HIRA: variants seen among roughly 807,000 people sequenced by gnomAD.
HIRA encodes protein HIRA.
Under a neutral mutation model 126.6 loss-of-function variants are expected in HIRA, and 13 were observed. The observed-to-expected ratio is 0.10, with a 90% CI of 0.07 to 0.16. The LOEUF is 0.16. HIRA is among the 10% of genes least tolerant of loss of function. The pLI, the probability that HIRA is intolerant of heterozygous loss-of-function variation, is 1.00. For synonymous variants in HIRA, 511 were observed against 520.0 expected (o/e 0.98, Z 0.24); for missense variants, 834 against 1,314.4 (o/e 0.63, Z 5.65).
intron 5 of HIRA, among the ~76,000 whole-genome samples, chr22:19,404,871 A>C (rs781164895): frequency 1.1e-4 from 17 of 152,078 alleles, no homozygotes; most frequent in Non-Finnish European, 2.5e-4. Flanking sequence ...GTATTCCCAA[A>C]TCAATCTCCT....
chr22:19,335,411 A>ATT, intron 24 of HIRA, among the ~76,000 whole-genome samples: 1 of 151,956 alleles, frequency 6.6e-6, no homozygotes, highest in Non-Finnish European at 1.5e-5. Context: ...CACCCGGCTA[A>ATT]TTTTTGTATT....
intron 8 of HIRA, among the ~76,000 whole-genome samples, chr22:19,393,073 G>A (rs2089195392): frequency 6.6e-6 from 1 of 152,100 alleles, no homozygotes; most frequent in Admixed American, 6.5e-5. Context: ...CGTGTCCCTG[G>A]GCTTGCTGTC....
chr22:19,377,598 T>C (rs1467068711), intron 14 of HIRA, among the ~76,000 whole-genome samples: 1 of 152,134 alleles, frequency 6.6e-6, no homozygotes, highest in Non-Finnish European at 1.5e-5. Context: ...CTGCAGCACG[T>C]AGCATTTCAC....
At chr22:19,373,504 T>C (rs2088987045) in intron 15 of HIRA, among the ~76,000 whole-genome samples, 2 of 152,210 alleles carry the variant, frequency 1.3e-5, no homozygotes, top group South Asian at 2.1e-4. Flanking sequence ...GCCCAAGGAA[T>C]GTCACTGCAT....
chr22:19,355,406 A>G (rs1358798580), intron 21 of HIRA, among the ~76,000 whole-genome samples: 3 of 152,212 alleles, frequency 2.0e-5, no homozygotes, highest in Non-Finnish European at 4.4e-5. Flanking sequence ...AAGCTCACAG[A>G]AATTGACTAG....
chr22:19,380,494 T>C (rs2089062767), intron 13 of HIRA, among the ~76,000 whole-genome samples: 1 of 152,242 alleles, frequency 6.6e-6, no homozygotes. Context: ...AGTATCTCAC[T>C]GTTTTGAGTT....
chr22:19,408,607 G>A lies in HIRA; in HGVS notation c.101-14C>T. 6.8e-7 allele frequency: 1 copy of A among 1,467,142 alleles called. No individual in the cohort carries two copies. The highest frequency in any genetic ancestry group is 9.6e-7 in the Non-Finnish European group (1 of 1,046,002). 90.9% of individuals were successfully genotyped at this position (1,467,142 alleles called of 1,614,324 possible). On this transcript the variant is annotated splice_polypyrimidine_tract_variant and intron_variant, in intron 2 of 24. Transcript: ENST00000263208. ...CAGAATCCTGCCCTGGAACAAAGGAGCAGAAATGGCTGAATGTGCAAGGAG... is the reference window on the plus strand; with the variant it reads ...CAGAATCCTGCCCTGGAACAAAGGAACAGAAATGGCTGAATGTGCAAGGAG...
intron 4 of HIRA, 41 bp downstream of exon 4, chr22:19,407,143 C>T: frequency 3.3e-6 from 5 of 1,509,672 alleles, no homozygotes; most frequent in Non-Finnish European, 4.6e-6. Flanking sequence ...AGCAAAGCAG[C>T]TTCTAAAAAT....
intron 8 of HIRA, among the ~76,000 whole-genome samples, chr22:19,392,579 C>A (rs928683352): frequency 5.9e-5 from 9 of 152,234 alleles, no homozygotes; most frequent in Non-Finnish European, 1.0e-4. Flanking sequence ...TGCAGAAAAG[C>A]TGAGCCTGCA....
rs565800723 is a variant in HIRA at position 19,374,054 on chromosome 22, C to T, written c.1775+1577G>A. Among the ~76,000 whole-genome samples, 8 of 151,986 alleles carry T rather than the reference C, an allele frequency of 5.3e-5. No individual in the cohort carries two copies. The East Asian group carries it at 5.9e-4, about 11-fold the overall frequency. ...TCAAAGTATTTAGAAGCATGGAGAC[C>T]GCGCGCGGTGGCTCACGCCTGTAAT... On this transcript the variant is annotated intron_variant, in intron 15 of 24. Transcript: ENST00000263208.
At chr22:19,381,512 C>T (rs553528520) in intron 13 of HIRA, among the ~76,000 whole-genome samples, 62 of 152,282 alleles carry the variant, frequency 4.1e-4, no homozygotes, top group Non-Finnish European at 6.0e-4. Flanking sequence ...TTTACCAAAA[C>T]GCCTATTAAG....
At chr22:19,406,727 G>T (rs1569309472) in intron 4 of HIRA, among the ~76,000 whole-genome samples, 1 of 152,216 alleles carries the variant, frequency 6.6e-6, no homozygotes, top group Non-Finnish European at 1.5e-5. Flanking sequence ...AGTTTTCCAG[G>T]TGATGGTTAG....
chr22:19,344,890 C>CG (rs1392189704), intron 24 of HIRA, among the ~76,000 whole-genome samples: 2 of 152,066 alleles, frequency 1.3e-5, no homozygotes, highest in Non-Finnish European at 2.9e-5. Flanking sequence ...TAAAATGACA[C>CG]GATCATCTTA....
intron 9 of HIRA, 44 bp from the exon 10 acceptor site, chr22:19,388,598 C>A (rs1208058867): frequency 3.3e-6 from 5 of 1,497,628 alleles, no homozygotes; most frequent in African/African-American, 1.4e-5. Flanking sequence ...TTACTGAAAT[C>A]CCCTTCTGTA....
Position 19,331,218 on chromosome 22 carries a change from G to T in HIRA, c.*222C>A. 1 of 1,469,138 alleles carries T rather than the reference G, an allele frequency of 6.8e-7. No homozygotes were observed. Among genetic ancestry groups the T allele is most frequent in the African/African-American group, 1.4e-5 (1 of 71,598 alleles). The allele number at this position is 1,469,138 out of a possible 1,614,324, so 91.0% of individuals were successfully genotyped here. On this transcript the variant is annotated 3_prime_UTR_variant, in exon 25 of 25. Transcript: ENST00000263208. ...GCTCCAGCCCTAGCTCCGCATCGGG[G>T]GCTTGGAGGGAGGGATGAGCTTCCC...
At chr22:19,395,592 T>C (rs1390980142) in intron 7 of HIRA, among the ~76,000 whole-genome samples, 1 of 152,168 alleles carries the variant, frequency 6.6e-6, no homozygotes, top group Non-Finnish European at 1.5e-5. Flanking sequence ...CATATGACTA[T>C]CACTTTACTT....
Position 19,398,002 on chromosome 22 carries a change from T to C in HIRA, c.483A>G (p.Val161=), listed in dbSNP as rs771716170. The C allele has an allele frequency of 5.6e-6, 9 of 1,613,902 alleles. No homozygotes were observed. The highest frequency in any genetic ancestry group is 1.1e-5 in the South Asian group (1 of 91,056). Residue 161 remains valine (V), a synonymous_variant, in exon 6 of 25, where the codon GTA becomes GTG. Transcript: ENST00000263208. Reference sequence around the variant, plus strand: ...GAGGAGGCCCCAGACCTGGGAACTTTACAGCATTCCAGATGACGACAGTGT... The same window carrying C: ...GAGGAGGCCCCAGACCTGGGAACTTCACAGCATTCCAGATGACGACAGTGT... ...VDNTVVIWNA[V]KFPEILATLR...
intron 17 of HIRA, among the ~76,000 whole-genome samples, chr22:19,360,853 G>A (rs534327305): frequency 1.3e-5 from 2 of 152,244 alleles, no homozygotes; most frequent in Non-Finnish European, 2.9e-5. Context: ...CAGGATGGTT[G>A]GGAGATAGAT....
intron 15 of HIRA, among the ~76,000 whole-genome samples, chr22:19,371,336 C>T (rs1388566288): frequency 3.9e-5 from 6 of 152,160 alleles, no homozygotes; most frequent in Non-Finnish European, 8.8e-5. Context: ...TTCTTTTCAG[C>T]TGGTTCTGAT....
Sources: allele counts gnomAD v4.1 joint callset (sites outside exome capture counted in the v4.1 genomes callset), GRCh38; gene constraint gnomAD v4.1.1; transcripts MANE v1.5; gene names NCBI Gene and HGNC (gene_info 2026-07-23, HGNC 2026-07-21).